The following BABAM2 variants were observed in gnomAD, a reference collection of about 807,000 sequenced individuals.
The protein encoded by BABAM2 is BRISC and BRCA1-A complex member 2.
A neutral mutation model predicts 54.7 loss-of-function variants in BABAM2; 31 were observed. That is an observed-to-expected ratio of 0.57 (90% confidence interval 0.43 to 0.77). The LOEUF (loss-of-function observed/expected upper bound fraction) is 0.77, where lower values mean the gene tolerates loss of function less well. Among genes scored for constraint, BABAM2 ranks in the 30% least tolerant of loss-of-function variants. BABAM2 has a pLI of 0.00. For synonymous variants in BABAM2, 167 were observed against 162.9 expected, an observed-to-expected ratio of 1.03 and a Z score of -0.19; for missense variants, 364 against 455.8, an observed-to-expected ratio of 0.80 and a Z score of 1.83.
intron 7 of BABAM2, among the ~76,000 whole-genome samples, chr2:28,145,048 G>A (rs755116101): frequency 4.6e-5 from 7 of 152,340 alleles, no homozygotes; most frequent in South Asian, 2.1e-4. Flanking sequence ...CCCACATTCT[G>A]AATCTAAAGT....
At chr2:27,904,798 T>C (rs1458779083) in intron 2 of BABAM2, among the ~76,000 whole-genome samples, 1 of 152,206 alleles carries the variant, frequency 6.6e-6, no homozygotes, top group African/African-American at 2.4e-5. Context: ...TTTCAGACTT[T>C]CAAGAACTCA....
At chr2:27,931,841 C>G (rs977017510) in intron 3 of BABAM2, among the ~76,000 whole-genome samples, 1 of 151,732 alleles carries the variant, frequency 6.6e-6, no homozygotes, top group Non-Finnish European at 1.5e-5. Flanking sequence ...ATATATTAGC[C>G]CCTGCCCTTC....
intron 6 of BABAM2, among the ~76,000 whole-genome samples, chr2:28,105,883 A>G (rs1435163800): frequency 1.3e-5 from 2 of 152,010 alleles, no homozygotes; most frequent in African/African-American, 4.8e-5. Context: ...ATAAATATGT[A>G]CCATAAAACT....
intron 4 of BABAM2, among the ~76,000 whole-genome samples, chr2:28,021,020 G>T (rs753758831): frequency 8.8e-5 from 13 of 148,506 alleles, no homozygotes; most frequent in Non-Finnish European, 1.5e-4. Flanking sequence ...ACAATTCCTT[G>T]TGTAAAAGGT....
chr2:28,045,818 C>A lies in BABAM2; in HGVS notation c.570+19C>A. The A allele has an allele frequency of 6.3e-7, 1 of 1,579,732 alleles. No homozygotes were observed. Among genetic ancestry groups the A allele is most frequent in the Non-Finnish European group, 8.7e-7 (1 of 1,152,796 alleles). On this transcript the variant is annotated intron_variant, in intron 6 of 11. Transcript: ENST00000379624. ...TCTCAAGGTAAAAATATATGATTTTCAGTATGAGAATATAAGTGAGCTTTT... is the reference window on the plus strand; with the variant it reads ...TCTCAAGGTAAAAATATATGATTTTAAGTATGAGAATATAAGTGAGCTTTT...
chr2:28,285,983 T>C (rs1479483392), intron 10 of BABAM2, among the ~76,000 whole-genome samples: 1 of 145,072 alleles, frequency 6.9e-6, no homozygotes, highest in East Asian at 2.0e-4. Context: ...TGAGACAGAG[T>C]CTCATTCTGT....
chr2:28,308,511 G>T, intron 11 of BABAM2: 1 of 523,888 alleles, frequency 1.9e-6, no homozygotes, highest in South Asian at 1.4e-5. Context: ...GAAGCTCAGT[G>T]ACACTGCTGT....
At chr2:28,056,321 A>G (rs1450572236) in intron 6 of BABAM2, among the ~76,000 whole-genome samples, 1 of 152,208 alleles carries the variant, frequency 6.6e-6, no homozygotes, top group Non-Finnish European at 1.5e-5. Flanking sequence ...TGGATGTATT[A>G]ATTTCCTTCA....
chr2:28,112,526 A>G (rs1668226551), intron 6 of BABAM2, among the ~76,000 whole-genome samples: 1 of 151,998 alleles, frequency 6.6e-6, no homozygotes, highest in African/African-American at 2.4e-5. Flanking sequence ...GTCCCTGCAA[A>G]GGACATGAAC....
chr2:28,240,045 A>G (rs1291935822), intron 8 of BABAM2, among the ~76,000 whole-genome samples: 1 of 152,154 alleles, frequency 6.6e-6, no homozygotes, highest in African/African-American at 2.4e-5. Context: ...AGAGTAAAGG[A>G]AAAAGAAAGA....
chr2:28,080,403 A>G (rs1665059079), intron 6 of BABAM2, among the ~76,000 whole-genome samples: 2 of 152,210 alleles, frequency 1.3e-5, no homozygotes, highest in Non-Finnish European at 2.9e-5. Flanking sequence ...TGAAAAGAGA[A>G]GGAGAGAGAG....
At chr2:28,100,568 A>T (rs939817874) in intron 6 of BABAM2, among the ~76,000 whole-genome samples, 2 of 152,054 alleles carry the variant, frequency 1.3e-5, no homozygotes, top group Admixed American at 6.6e-5. Flanking sequence ...CGTTGTGAGC[A>T]GATTCTTTTG....
intron 4 of BABAM2, among the ~76,000 whole-genome samples, chr2:28,021,918 A>G (rs529603543): frequency 6.6e-6 from 1 of 152,234 alleles, no homozygotes; most frequent in South Asian, 2.1e-4. Context: ...GTTTATAGGT[A>G]TCCTCGCGCA....
intron 2 of BABAM2, among the ~76,000 whole-genome samples, chr2:27,903,651 C>T (rs573636101): frequency 1.3e-5 from 2 of 152,252 alleles, no homozygotes; most frequent in Admixed American, 1.3e-4. Flanking sequence ...ACTCTGTTGC[C>T]GTCAGTCAGA....
At position 28,243,611 on chromosome 2, in the gene BABAM2, G is replaced by T. The variant is rs13391080; in HGVS notation, c.852-1169G>T. ...AATCCCAGCTATTCGGAAGGCTGAG[G>T]CAGGAGAATTGCCTGAACCTAGGAG... is the stretch of plus-strand genomic sequence containing the variant. On this transcript the variant is annotated intron_variant, in intron 9 of 11. Coordinates refer to ENST00000379624, the MANE Select transcript of BABAM2 (RefSeq NM_199191.3). Among the ~76,000 whole-genome samples, 1,082 of 152,238 alleles carry T rather than the reference G, an allele frequency of 7.1e-3. 15 individuals carry two copies. Among genetic ancestry groups the T allele is most frequent in the African/African-American group, 0.024 (1,011 of 41,526 alleles).
At chr2:28,269,121 A>C (rs1558487912) in intron 10 of BABAM2, among the ~76,000 whole-genome samples, 1 of 152,240 alleles carries the variant, frequency 6.6e-6, no homozygotes, top group Non-Finnish European at 1.5e-5. Context: ...ACATTACTTA[A>C]TAAACATATC....
chr2:28,237,115 T>G, intron 7 of BABAM2, 87 bp from the exon 8 acceptor site: 30 of 1,104,880 alleles, frequency 2.7e-5, no homozygotes, highest in East Asian at 7.2e-5. Context: ...CAGACTTTGA[T>G]GAGAGAAGCC....
rs536449217 is a variant in BABAM2 at position 28,073,915 on chromosome 2, G to T, written c.570+28116G>T. Reference sequence around the variant, plus strand: ...ATATCTAATTGCTAATTAGGATAAAGTCTTATGAGTAGTATTCCTGGGTTA... The same window carrying T: ...ATATCTAATTGCTAATTAGGATAAATTCTTATGAGTAGTATTCCTGGGTTA... On this transcript the variant is annotated intron_variant, in intron 6 of 11. Transcript: ENST00000379624. Among the ~76,000 whole-genome samples, 5 of 152,122 alleles carry T rather than the reference G, an allele frequency of 3.3e-5. No homozygotes were observed. The East Asian group carries it at 9.6e-4, about 29-fold the overall frequency.
chr2:28,299,286 G>A (rs1288750129), intron 11 of BABAM2, among the ~76,000 whole-genome samples: 2 of 152,150 alleles, frequency 1.3e-5, no homozygotes, highest in African/African-American at 4.8e-5. Context: ...AGTGTGGAAG[G>A]CCTCACTTCA....
Sources: gnomAD v4.1 joint callset for allele counts (sites outside exome capture counted in the v4.1 genomes callset) on GRCh38, gnomAD v4.1.1 for gene constraint, MANE v1.5 for transcripts, NCBI Gene and HGNC (gene_info 2026-07-23, HGNC 2026-07-21) for gene names.